Variants in KSR2 observed in about 807,000 individuals in gnomAD.
KSR2 encodes the protein kinase suppressor of ras 2.
A neutral mutation model predicts 107.8 loss-of-function variants in KSR2; 25 were observed. That is an observed-to-expected ratio of 0.23 (90% CI 0.17 to 0.32). KSR2 has a LOEUF of 0.32. Ranked by LOEUF, KSR2 falls within the 10% of genes least tolerant of loss-of-function variation. KSR2 has a pLI of 1.00. For missense variants in KSR2, 887 were observed against 1,268.9 expected (o/e 0.70, Z 4.57); for synonymous variants, 480 against 507.0 (o/e 0.95, Z 0.71).
intron 4 of KSR2, among the ~76,000 whole-genome samples, chr12:117,684,958 T>A (rs112999327): frequency 5.3e-5 from 8 of 152,318 alleles, no homozygotes; most frequent in African/African-American, 1.7e-4. Flanking sequence ...AGGTTGTCAA[T>A]TTCAGGGTTA....
chr12:117,538,180 G>A (rs1876186026), intron 10 of KSR2, among the ~76,000 whole-genome samples: 1 of 151,844 alleles, frequency 6.6e-6, no homozygotes, highest in Admixed American at 6.6e-5. Flanking sequence ...CCTTCTGTCT[G>A]TGGAAGTGCC....
At chr12:117,555,026 T>A (rs1180932423) in intron 9 of KSR2, 143 bp downstream of exon 9, 2 of 970,904 alleles carry the variant, frequency 2.1e-6, no homozygotes, top group African/African-American at 3.3e-5. Flanking sequence ...CAAGCTTTAC[T>A]CAACACAAAC....
intron 5 of KSR2, among the ~76,000 whole-genome samples, chr12:117,601,837 C>T (rs183279466): frequency 6.6e-6 from 1 of 152,340 alleles, no homozygotes. Flanking sequence ...AAGAGCCTGC[C>T]AACCTTCCAG....
At chr12:117,792,897 GACCCTCACACCAACATGCACAC>G (rs1363042628) in intron 3 of KSR2, among the ~76,000 whole-genome samples, 5 of 147,206 alleles carry the variant, frequency 3.4e-5, no homozygotes, top group African/African-American at 5.1e-5. Context: ...ACAACATGCA[GACCCTCACACCAACATGCACAC>G]ACCCTCACAC....
chr12:117,852,423 T>G (rs1892960030), intron 3 of KSR2, among the ~76,000 whole-genome samples: 1 of 151,970 alleles, frequency 6.6e-6, no homozygotes, highest in Non-Finnish European at 1.5e-5. Context: ...AGTAAGACTC[T>G]GTCTCAAAAT....
intron 1 of KSR2, among the ~76,000 whole-genome samples, chr12:117,918,071 G>A (rs544249274): frequency 2.8e-4 from 43 of 152,240 alleles, no homozygotes; most frequent in African/African-American, 1.0e-3. Context: ...TCAGACTGAG[G>A]TCATGGCAAC....
chr12:117,741,488 G>A (rs1382770330), intron 4 of KSR2, among the ~76,000 whole-genome samples: 1 of 152,202 alleles, frequency 6.6e-6, no homozygotes, highest in Non-Finnish European at 1.5e-5. Flanking sequence ...TTGCACCACT[G>A]CACTCCAGCC....
intron 5 of KSR2, among the ~76,000 whole-genome samples, chr12:117,588,452 C>A (rs922282032): frequency 6.6e-6 from 1 of 152,182 alleles, no homozygotes; most frequent in African/African-American, 2.4e-5. Context: ...GGGGTTTGGG[C>A]CTGGGTCTCA....
chr12:117,890,366 A>T lies in KSR2; in HGVS notation c.181-29935T>A, dbSNP rs555829771. On this transcript the variant is annotated intron_variant, in intron 1 of 19. Coordinates refer to ENST00000339824, the MANE Select transcript of KSR2 (RefSeq NM_173598.6). ...TCCACAGGCTTTAGAGCCCAGCCAC[A>T]TGTCCACAGAGCACCAGATAGTACC... Among the ~76,000 whole-genome samples, 10 of 152,322 alleles carry T rather than the reference A, an allele frequency of 6.6e-5. No individual in the cohort carries two copies. The South Asian group carries it at 2.1e-3, about 32-fold the overall frequency.
chr12:117,484,462 T>C lies in KSR2; in HGVS notation c.2404A>G (p.Thr802Ala). The change falls in exon 16 of 20, where the codon ACG becomes GCG. Residue 802 changes from threonine to alanine, a missense_variant. Thr to Ala is a moderately conservative substitution (Grantham distance 58). Transcript: ENST00000339824. ...GAAATGCTGAAGAGTCCAAAGTCCG[T>C]GATGACCACTTTGCCGTTGTCATAG... Reference protein sequence around the residue: ...VFYDNGKVVITDFGLFSISGV... With the variant: ...VFYDNGKVVIADFGLFSISGV... The C allele has an allele frequency of 1.9e-6, 3 of 1,614,000 alleles. No homozygotes were observed. The highest frequency in any genetic ancestry group is 2.5e-6 in the Non-Finnish European group (3 of 1,179,876).
chr12:117,816,389 G>T (rs1336944972), intron 3 of KSR2, among the ~76,000 whole-genome samples: 1 of 152,162 alleles, frequency 6.6e-6, no homozygotes, highest in Non-Finnish European at 1.5e-5. Context: ...TCATGGTGCA[G>T]AGACAAACTA....
chr12:117,630,944 A>G (rs912547496), intron 5 of KSR2, among the ~76,000 whole-genome samples: 21 of 152,300 alleles, frequency 1.4e-4, no homozygotes, highest in African/African-American at 4.8e-4. Context: ...TTCACAATCC[A>G]AGCCAATGAG....
chr12:117,575,970 C>A (rs990674402), intron 7 of KSR2, among the ~76,000 whole-genome samples: 40 of 152,174 alleles, frequency 2.6e-4, no homozygotes, highest in African/African-American at 9.7e-4. Context: ...GGAGCTGGGA[C>A]CCAAACTCAG....
intron 3 of KSR2, among the ~76,000 whole-genome samples, chr12:117,828,169 G>A (rs754216662): frequency 4.6e-5 from 7 of 152,122 alleles, no homozygotes; most frequent in South Asian, 4.2e-4. Flanking sequence ...TCACCGCTGC[G>A]TCCCCAGGGC....
chr12:117,790,809 C>T (rs1266079423), intron 3 of KSR2, among the ~76,000 whole-genome samples: 1 of 152,118 alleles, frequency 6.6e-6, no homozygotes, highest in African/African-American at 2.4e-5. Flanking sequence ...ATCCACACTA[C>T]CTCTGTGCAC....
At chr12:117,775,388 G>A (rs1483629795) in intron 3 of KSR2, among the ~76,000 whole-genome samples, 3 of 152,212 alleles carry the variant, frequency 2.0e-5, no homozygotes, top group African/African-American at 4.8e-5. Context: ...AACATTCTTA[G>A]TAATGGCCAT....
intron 14 of KSR2, among the ~76,000 whole-genome samples, chr12:117,503,709 A>C (rs118164848): frequency 4.9e-4 from 74 of 152,276 alleles, no homozygotes; most frequent in South Asian, 1.0e-3. Context: ...ATCCCTTCCT[A>C]CCTAAAAGGA....
At chr12:117,943,737 G>A (rs185614694) in intron 1 of KSR2, among the ~76,000 whole-genome samples, 281 of 152,288 alleles carry the variant, frequency 1.8e-3, no homozygotes, top group African/African-American at 5.8e-3. Flanking sequence ...TGGTTTGGCT[G>A]TGTCCCCACC....
chr12:117,821,262 G>C (rs1202850825), intron 3 of KSR2, among the ~76,000 whole-genome samples: 1 of 152,106 alleles, frequency 6.6e-6, no homozygotes, highest in Non-Finnish European at 1.5e-5. Flanking sequence ...GAACAACACA[G>C]GTTTTAACTG....
Sources: allele counts gnomAD v4.1 joint callset (sites outside exome capture counted in the v4.1 genomes callset), GRCh38; gene constraint gnomAD v4.1.1; transcripts MANE v1.5; gene names NCBI Gene and HGNC (gene_info 2026-07-23, HGNC 2026-07-21).